GOLGA4: variants seen among roughly 807,000 people sequenced by gnomAD.
GOLGA4 encodes golgin subfamily A member 4.
A neutral mutation model predicts 265.9 loss-of-function variants in GOLGA4; 169 were observed. The observed-to-expected ratio is 0.64, with a 90% CI of 0.56 to 0.72. GOLGA4 has a LOEUF of 0.72. Among genes scored for constraint, GOLGA4 ranks in the 30% least tolerant of loss-of-function variants. The pLI, the probability that GOLGA4 is intolerant of heterozygous loss-of-function variation, is 0.00. For synonymous variants in GOLGA4, 923 were observed against 855.8 expected, an observed-to-expected ratio of 1.08 and a Z score of -1.37; for missense variants, 2,482 against 2,483.4, an observed-to-expected ratio of 1.00 and a Z score of 0.01.
chr3:37,347,721 A>G (rs924630072), intron 21 of GOLGA4, among the ~76,000 whole-genome samples: 2 of 152,206 alleles, frequency 1.3e-5, no homozygotes, highest in African/African-American at 4.8e-5. Flanking sequence ...CTTTATAGTT[A>G]CTGTAAGAAA....
chr3:37,292,144 T>C (rs1159363485), intron 5 of GOLGA4, among the ~76,000 whole-genome samples: 1 of 152,186 alleles, frequency 6.6e-6, no homozygotes, highest in Non-Finnish European at 1.5e-5. Flanking sequence ...AACTATAGTA[T>C]AAATCGAGGA....
Position 37,315,605 on chromosome 3 carries a change from A to G in GOLGA4, c.1413+7A>G. The G allele has an allele frequency of 6.2e-7, 1 of 1,607,212 alleles. No homozygotes were observed. The highest frequency in any genetic ancestry group is 1.1e-5 in the South Asian group (1 of 90,746). On this transcript the variant is annotated splice_region_variant and intron_variant, in intron 11 of 23. Coordinates refer to ENST00000361924, the MANE Select transcript of GOLGA4 (RefSeq NM_002078.5). The stretch of plus-strand genomic sequence containing the variant: ...GGTTGTTGATGTAATGAAAGTAAGA[A>G]TAATTCTGTAATGAAATGGGCTACA...
At chr3:37,257,957 A>G (rs78434091) in intron 2 of GOLGA4, among the ~76,000 whole-genome samples, 19,901 of 83,948 alleles carry the variant, frequency 0.24, 4,871 homozygotes, top group Non-Finnish European at 0.34. Context: ...ATGTATGTAT[A>G]TATGTATATA....
intron 10 of GOLGA4, among the ~76,000 whole-genome samples, chr3:37,305,917 AAC>A (rs2096904792): frequency 1.3e-5 from 2 of 152,234 alleles, no homozygotes; most frequent in African/African-American, 4.8e-5. Context: ...TTTCTTGGGA[AAC>A]AGTCTCTTAA....
At chr3:37,332,758 T>C (rs1290325568) in intron 16 of GOLGA4, among the ~76,000 whole-genome samples, 2 of 152,128 alleles carry the variant, frequency 1.3e-5, no homozygotes, top group Non-Finnish European at 2.9e-5. Flanking sequence ...CAAGCAAAAA[T>C]GAAATATATT....
intron 2 of GOLGA4, among the ~76,000 whole-genome samples, chr3:37,273,112 G>T (rs1481149700): frequency 6.6e-6 from 1 of 152,186 alleles, no homozygotes; most frequent in African/African-American, 2.4e-5. Flanking sequence ...ATTTTTCAGA[G>T]CTTAGCCCAA....
chr3:37,328,233 GACACACACACACACACAC>G (rs4021346), intron 14 of GOLGA4, among the ~76,000 whole-genome samples, 165 bp from the exon 15 acceptor site: 31 of 138,440 alleles, frequency 2.2e-4, no homozygotes, highest in African/African-American at 7.9e-4. Flanking sequence ...TATGTACCTG[GACACACACACACACACAC>G]ACACACACAC....
At chr3:37,354,909 C>A (rs2097086275) in intron 21 of GOLGA4, among the ~76,000 whole-genome samples, 192 bp from the exon 22 acceptor site, 1 of 152,026 alleles carries the variant, frequency 6.6e-6, no homozygotes, top group East Asian at 1.9e-4. Context: ...TATGTGTAGA[C>A]ATTGTAAGGA....
At chr3:37,243,870 A>T (rs1245987330) in intron 1 of GOLGA4, 11 of 539,456 alleles carry the variant, frequency 2.0e-5, no homozygotes, top group Non-Finnish European at 3.0e-5. Flanking sequence ...CCCTCGTGAC[A>T]TTCCATCTCC....
chr3:37,248,822 T>C (rs9859900), intron 1 of GOLGA4, among the ~76,000 whole-genome samples: 2,289 of 152,312 alleles, frequency 0.015, 53 homozygotes, highest in African/African-American at 0.052. Flanking sequence ...ATTTTTCAGA[T>C]TTGCAGTGAG....
chr3:37,297,802 G>A (rs546331923), intron 7 of GOLGA4, among the ~76,000 whole-genome samples: 7 of 152,266 alleles, frequency 4.6e-5, no homozygotes, highest in Non-Finnish European at 8.8e-5. Context: ...TGAAGCAGGC[G>A]GATTGCCTGA....
At chr3:37,352,880 CT>C in intron 21 of GOLGA4, among the ~76,000 whole-genome samples, 1 of 152,200 alleles carries the variant, frequency 6.6e-6, no homozygotes, top group East Asian at 1.9e-4. Flanking sequence ...CAAGGCCTAG[CT>C]TTCAGTCTCT....
chr3:37,255,952 C>A (rs11714766), intron 2 of GOLGA4, among the ~76,000 whole-genome samples: 44,210 of 151,864 alleles, frequency 0.29, 7,490 homozygotes, highest in Non-Finnish European at 0.39. Context: ...AAACACTTAA[C>A]ACTTAAAATA....
At chr3:37,274,431 C>G (rs2096808106) in intron 2 of GOLGA4, among the ~76,000 whole-genome samples, 1 of 151,940 alleles carries the variant, frequency 6.6e-6, no homozygotes, top group Non-Finnish European at 1.5e-5. Flanking sequence ...GTGGCTCATG[C>G]CTGTTATCCC....
chr3:37,324,658 T>A lies in GOLGA4; in HGVS notation c.2772T>A (p.Ile924=), dbSNP rs748831706. 5.1e-5 allele frequency: 82 copies of A among 1,612,548 alleles called. No individual in the cohort carries two copies. The highest frequency in any genetic ancestry group is 6.7e-5 in the Non-Finnish European group (79 of 1,179,424). The part of the protein sequence containing the change: ...LQMREGQKKE[I]EILTQKLSAK... ...TGAGAGAAGGACAGAAGAAAGAAAT[T>A]GAGATACTCACACAGAAATTGTCAG... Residue 924 remains isoleucine (I), a synonymous_variant, in exon 14 of 24, where the codon ATT becomes ATA. Transcript: ENST00000361924.
rs554281955 is a variant in GOLGA4, at chr3:37,288,885, A to G, written c.526-350A>G. ...CACACATTATAAGTTTCAATGAAAT[A>G]AACTGCAGTTGGAATTTGATTTAAT... On this transcript the variant is annotated intron_variant, in intron 4 of 23. Coordinates refer to ENST00000361924, the MANE Select transcript of GOLGA4 (RefSeq NM_002078.5). 7.9e-5 allele frequency among the ~76,000 whole-genome samples: 12 copies of G among 152,228 alleles called. No individual in the cohort carries two copies. In the South Asian group the frequency reaches 2.3e-3, roughly 29 times the overall value.
At chr3:37,312,758 A>G (rs1166636841) in intron 10 of GOLGA4, among the ~76,000 whole-genome samples, 2 of 152,072 alleles carry the variant, frequency 1.3e-5, no homozygotes, top group Non-Finnish European at 2.9e-5. Context: ...TCCTAGGCTC[A>G]GGCAATCCTC....
chr3:37,333,088 A>G (rs889907794), intron 16 of GOLGA4, among the ~76,000 whole-genome samples: 8 of 152,216 alleles, frequency 5.3e-5, no homozygotes, highest in African/African-American at 1.7e-4. Context: ...GAGGCAACAC[A>G]TGGTAGGCAG....
rs116819171 is a variant in GOLGA4 at position 37,312,360 on chromosome 3, A to G, written c.1235-3060A>G. Among the ~76,000 whole-genome samples, 563 of 152,324 alleles carry G rather than the reference A, an allele frequency of 3.7e-3. 5 individuals carry two copies. Among genetic ancestry groups the G allele is most frequent in the African/African-American group, 0.013 (537 of 41,570 alleles). On this transcript the variant is annotated intron_variant, in intron 10 of 23. Transcript: ENST00000361924. The stretch of plus-strand genomic sequence containing the variant: ...GTGAGGGAACTAATTTCTTGTTAGT[A>G]GTAAGCGTTCATTATTTCCGTATTT...
Sources: allele counts gnomAD v4.1 joint callset (sites outside exome capture counted in the v4.1 genomes callset), GRCh38; gene constraint gnomAD v4.1.1; transcripts MANE v1.5; gene names NCBI Gene and HGNC (gene_info 2026-07-23, HGNC 2026-07-21).